TUFT1: variants seen among roughly 807,000 people sequenced by gnomAD.
TUFT1 encodes tuftelin.
In TUFT1, 43 loss-of-function variants were observed where a neutral mutation model predicts 57.8. That is an observed-to-expected ratio of 0.74 (90% CI 0.58 to 0.96). The LOEUF (loss-of-function observed/expected upper bound fraction) is 0.96. TUFT1 is among the 40% of genes least tolerant of loss of function. The pLI, the probability that TUFT1 is intolerant of heterozygous loss-of-function variation, is 0.00. For missense variants in TUFT1, 459 were observed against 489.0 expected, an observed-to-expected ratio of 0.94 and a Z score of 0.58; for synonymous variants, 166 against 176.7, an observed-to-expected ratio of 0.94 and a Z score of 0.48.
At chr1:151,560,772 T>C (rs1389503960) in intron 1 of TUFT1, among the ~76,000 whole-genome samples, 1 of 152,168 alleles carries the variant, frequency 6.6e-6, no homozygotes, top group Non-Finnish European at 1.5e-5. Flanking sequence ...ACTTCCTTAT[T>C]TTTCCAGTGG....
At chr1:151,562,449 GAA>G in intron 2 of TUFT1, 134 bp from the exon 3 acceptor site, 1 of 802,904 alleles carries the variant, frequency 1.2e-6, no homozygotes. Context: ...TTTTGGAGAG[GAA>G]AGTCAGACTA....
Position 151,553,167 on chromosome 1 carries a change from C to T in TUFT1, c.61-8924C>T, listed in dbSNP as rs564184708. 1.3e-3 allele frequency among the ~76,000 whole-genome samples: 193 copies of T among 152,172 alleles called. 1 individual carries two copies. The highest frequency in any genetic ancestry group is 3.9e-3 in the Admixed American group (60 of 15,272). ...AGTGCAGTGGCACGATCTTGGCTCACAGCAACCTCCACCTCCCAGGTTCAA... is the reference window on the plus strand; with the variant it reads ...AGTGCAGTGGCACGATCTTGGCTCATAGCAACCTCCACCTCCCAGGTTCAA... On this transcript the variant is annotated intron_variant, in intron 1 of 12. Transcript: ENST00000368849.
chr1:151,579,216 A>G (rs927950113), intron 10 of TUFT1, among the ~76,000 whole-genome samples: 4 of 152,078 alleles, frequency 2.6e-5, no homozygotes, highest in African/African-American at 9.7e-5. Context: ...GGATTTGTCT[A>G]TTTGCAGAAT....
rs1310748146 is a variant in TUFT1 at position 151,578,800 on chromosome 1, C to T, written c.898C>T (p.Arg300Trp). 8.9e-6 allele frequency: 14 copies of T among 1,575,732 alleles called. No homozygotes were observed. Among genetic ancestry groups the T allele is most frequent in the African/African-American group, 1.4e-5 (1 of 74,058 alleles). ...HLDDMLKSQQ[R>W]KVRQMIEQLQ... ...GGATGACATGCTCAAGAGCCAGCAG[C>T]GGAAAGTCCGGCAAATGATAGAGCA... Residue 300 changes from arginine to tryptophan, a missense_variant, in exon 10 of 13, where the codon CGG becomes TGG. Coordinates refer to ENST00000368849, the MANE Select transcript of TUFT1 (RefSeq NM_020127.3).
intron 9 of TUFT1, among the ~76,000 whole-genome samples, chr1:151,576,797 G>T (rs1488959651): frequency 6.6e-6 from 1 of 152,104 alleles, no homozygotes; most frequent in Non-Finnish European, 1.5e-5. Flanking sequence ...CTAATTTTGT[G>T]TATTTTTAGT....
chr1:151,570,564 G>A (rs1287160418), intron 7 of TUFT1, among the ~76,000 whole-genome samples: 1 of 152,156 alleles, frequency 6.6e-6, no homozygotes, highest in Non-Finnish European at 1.5e-5. Context: ...ACAGGCACGA[G>A]CCACCATGCC....
In TUFT1 at chr1:151,582,552, G is replaced by A; in HGVS notation, c.*845G>A. ...TATTTATTTTGCTAAGTTATTGGTGGTTTTGCTTACATCTCATGATTGATA... is the reference window on the plus strand; with the variant it reads ...TATTTATTTTGCTAAGTTATTGGTGATTTTGCTTACATCTCATGATTGATA... On this transcript the variant is annotated 3_prime_UTR_variant, in exon 13 of 13. Transcript: ENST00000368849. 1 of 227,348 alleles carries A rather than the reference G, an allele frequency of 4.4e-6. No homozygotes were observed. The highest frequency in any genetic ancestry group is 8.8e-6 in the Non-Finnish European group (1 of 113,154). The allele number at this position is 227,348 out of a possible 1,614,324, so 14.1% of individuals were successfully genotyped here.
At chr1:151,560,954 T>C (rs1446353282) in intron 1 of TUFT1, among the ~76,000 whole-genome samples, 1 of 131,826 alleles carries the variant, frequency 7.6e-6, no homozygotes, top group Non-Finnish European at 1.6e-5. Flanking sequence ...CCCTGCAAAG[T>C]ATTGTGTGTG....
chr1:151,576,215 G>C (rs1666458724), intron 9 of TUFT1, among the ~76,000 whole-genome samples: 1 of 152,160 alleles, frequency 6.6e-6, no homozygotes, highest in Admixed American at 6.5e-5. Flanking sequence ...GCATGCGCTT[G>C]TCAGCTTCCT....
chr1:151,544,750 C>G (rs1476536623), intron 1 of TUFT1, among the ~76,000 whole-genome samples: 4 of 152,186 alleles, frequency 2.6e-5, no homozygotes, highest in African/African-American at 9.6e-5. Context: ...AAATAGCAGT[C>G]CCCTGCTCCA....
intron 2 of TUFT1, 126 bp from the exon 3 acceptor site, chr1:151,562,459 C>T (rs1289607872): frequency 3.4e-5 from 29 of 861,784 alleles, no homozygotes; most frequent in Non-Finnish European, 4.7e-5. Flanking sequence ...GAAAGTCAGA[C>T]TAATCCTTCA....
chr1:151,566,418 C>A lies in TUFT1; in HGVS notation c.480+190C>A, dbSNP rs567536511. Among the ~76,000 whole-genome samples, 17 of 152,270 alleles carry A rather than the reference C, an allele frequency of 1.1e-4. 1 individual carries two copies. The South Asian group carries it at 1.9e-3, about 17-fold the overall frequency. On this transcript the variant is annotated intron_variant, in intron 6 of 12. Coordinates refer to ENST00000368849, the MANE Select transcript of TUFT1 (RefSeq NM_020127.3). ...TCTCCTTCCCCAATCTCTCTCCTTG[C>A]GAGTATCCACTGTTAACAGATTGAA... is the stretch of plus-strand genomic sequence containing the variant.
intron 7 of TUFT1, among the ~76,000 whole-genome samples, chr1:151,573,754 T>A (rs549535480): frequency 2.8e-4 from 43 of 151,894 alleles, no homozygotes; most frequent in African/African-American, 7.5e-4. Flanking sequence ...CAAAAAAAAA[T>A]AATAATAATA....
chr1:151,565,892 A>G (rs1666054156), intron 5 of TUFT1: 4 of 348,742 alleles, frequency 1.1e-5, no homozygotes, highest in Admixed American at 8.2e-5. Flanking sequence ...TCAAGGCCGC[A>G]TAACATCTCT....
chr1:151,540,355 C>T lies in TUFT1; in HGVS notation c.-12C>T. On this transcript the variant is annotated 5_prime_UTR_variant, in exon 1 of 13. Transcript: ENST00000368849. ...TGGACAAGTGGCGTGTGTGCTGCGACCCCGAGGGAAGATGAACGGGACGCG... is the reference window on the plus strand; with the variant it reads ...TGGACAAGTGGCGTGTGTGCTGCGATCCCGAGGGAAGATGAACGGGACGCG... 1 of 1,614,112 alleles carries T rather than the reference C, an allele frequency of 6.2e-7. No homozygotes were observed. The highest frequency in any genetic ancestry group is 1.1e-5 in the South Asian group (1 of 91,084).
Position 151,564,633 on chromosome 1 carries a change from T to C in TUFT1, c.414+19T>C. On this transcript the variant is annotated intron_variant, in intron 5 of 12. Transcript: ENST00000368849. ...GATACAGGTAATAGGAAATGGTCCA[T>C]GGTTGGGTCCCCACCGAGGAGGTGG... 1.2e-6 allele frequency: 2 copies of C among 1,605,680 alleles called. No individual in the cohort carries two copies. Among genetic ancestry groups the C allele is most frequent in the Non-Finnish European group, 8.5e-7 (1 of 1,172,570 alleles).
intron 6 of TUFT1, 36 bp downstream of exon 6, chr1:151,566,264 G>T: frequency 6.3e-7 from 1 of 1,579,042 alleles, no homozygotes. Context: ...GCTCCGCTTA[G>T]CCAGGGGCAG....
At chr1:151,560,002 G>A (rs566882067) in intron 1 of TUFT1, among the ~76,000 whole-genome samples, 1 of 151,664 alleles carries the variant, frequency 6.6e-6, no homozygotes, top group African/African-American at 2.4e-5. Context: ...CACCATGTTG[G>A]CCAGGCTGGT....
chr1:151,566,902 CTTGATTGATTGACTGATTGA>C (rs1553250799), intron 6 of TUFT1, among the ~76,000 whole-genome samples: 1 of 151,928 alleles, frequency 6.6e-6, no homozygotes, highest in Admixed American at 6.6e-5. Flanking sequence ...CATGGCTGTA[CTTGATTGATTGACTGATTGA>C]TTGATTGATT....
Sources: gnomAD v4.1 joint callset for allele counts (sites outside exome capture counted in the v4.1 genomes callset) on GRCh38, gnomAD v4.1.1 for gene constraint, MANE v1.5 for transcripts, NCBI Gene and HGNC (gene_info 2026-07-23, HGNC 2026-07-21) for gene names.